MCHR2: variants seen among roughly 807,000 people sequenced by gnomAD.
The protein encoded by MCHR2 is melanin concentrating hormone receptor 2.
In MCHR2, 15 loss-of-function variants were observed where a neutral mutation model predicts 24.8. The observed-to-expected ratio is 0.60, with a 90% CI of 0.40 to 0.93. The LOEUF (loss-of-function observed/expected upper bound fraction) is 0.93. MCHR2 is among the 40% of genes least tolerant of loss of function. MCHR2 has a pLI of 0.00. For missense variants in MCHR2, 386 were observed against 408.7 expected (o/e 0.94, Z 0.48); for synonymous variants, 151 against 147.6 (o/e 1.02, Z -0.17).
chr6:99,926,372 A>T (rs918721756), intron 5 of MCHR2, among the ~76,000 whole-genome samples: 4 of 152,152 alleles, frequency 2.6e-5, no homozygotes, highest in Admixed American at 6.5e-5. Flanking sequence ...GCTGGGTCAA[A>T]TAGTATTTCT....
intron 4 of MCHR2, among the ~76,000 whole-genome samples, chr6:99,941,385 G>A (rs1774767978): frequency 6.6e-6 from 1 of 151,946 alleles, no homozygotes; most frequent in Non-Finnish European, 1.5e-5. Context: ...GGCTCTGGGA[G>A]TGGGGGCATT....
chr6:99,990,547 G>A (rs1775854097), intron 1 of MCHR2, among the ~76,000 whole-genome samples: 1 of 152,162 alleles, frequency 6.6e-6, no homozygotes, highest in South Asian at 2.1e-4. Context: ...TAAGTAAAAT[G>A]TACGGTAAAG....
At chr6:99,949,672 C>T (rs1221778504) in intron 2 of MCHR2, among the ~76,000 whole-genome samples, 1 of 152,086 alleles carries the variant, frequency 6.6e-6, no homozygotes, top group Non-Finnish European at 1.5e-5. Flanking sequence ...AGCAACCATA[C>T]TGTACGCATT....
In MCHR2 at chr6:99,921,098, A is replaced by C; in HGVS notation, c.865T>G (p.Tyr289Asp). ...QPTLAFYVGYYLSICLSYASS... is the reference protein window; with the variant it reads ...QPTLAFYVGYDLSICLSYASS... The stretch of plus-strand genomic sequence containing the variant: ...GCATAGCTGAGACAGATGGAGAGGT[A>C]ATAACCCACATAGAAGGCCAGTGTG... The change falls in exon 6 of 6, where the codon TAC (tyrosine) becomes GAC (aspartate). Residue 289 changes from tyrosine (Y) to aspartate (D), a missense_variant. Transcript: ENST00000281806. 6.2e-7 allele frequency: 1 copy of C among 1,614,222 alleles called. No homozygotes were observed. The highest frequency in any genetic ancestry group is 8.5e-7 in the Non-Finnish European group (1 of 1,180,034).
At chr6:99,930,692 G>T (rs955972308) in intron 5 of MCHR2, among the ~76,000 whole-genome samples, 2 of 152,096 alleles carry the variant, frequency 1.3e-5, no homozygotes, top group African/African-American at 4.8e-5. Context: ...AGCTCCATCA[G>T]CTCCTTTAAG....
At chr6:99,921,748 C>G (rs1774237792) in intron 5 of MCHR2, among the ~76,000 whole-genome samples, 1 of 152,108 alleles carries the variant, frequency 6.6e-6, no homozygotes, top group Admixed American at 6.6e-5. Flanking sequence ...TACCCATTAA[C>G]CATCCTCACC....
At chr6:99,925,715 A>G (rs1257878698) in intron 5 of MCHR2, among the ~76,000 whole-genome samples, 2 of 151,714 alleles carry the variant, frequency 1.3e-5, no homozygotes, top group African/African-American at 2.4e-5. Context: ...TGTACCCCCA[A>G]TTTTTAACTT....
chr6:99,971,429 G>A (rs1775416946), intron 1 of MCHR2, among the ~76,000 whole-genome samples: 1 of 152,228 alleles, frequency 6.6e-6, no homozygotes, highest in African/African-American at 2.4e-5. Flanking sequence ...AGATTTTGCT[G>A]AAATTGCTTA....
In MCHR2 at chr6:99,987,927, G is replaced by T. The variant is rs182175716; in HGVS notation, c.-28+6009C>A. 3.3e-3 allele frequency among the ~76,000 whole-genome samples: 509 copies of T among 152,200 alleles called. 3 individuals carry two copies. The highest frequency in any genetic ancestry group is 0.012 in the African/African-American group (479 of 41,534). On this transcript the variant is annotated intron_variant, in intron 1 of 5. Transcript: ENST00000281806. The stretch of plus-strand genomic sequence containing the variant: ...CAAGAGACTAACAAGTCTATAGAGG[G>T]TTAATCATTTTTTCAAAAAGGCTTT...
chr6:99,930,095 C>G (rs926937037), intron 5 of MCHR2, among the ~76,000 whole-genome samples: 2 of 151,476 alleles, frequency 1.3e-5, no homozygotes. Context: ...CCTTCACTTA[C>G]GAAGCTTAGT....
intron 1 of MCHR2, among the ~76,000 whole-genome samples, chr6:99,967,486 A>G (rs542054784): frequency 1.3e-4 from 20 of 152,306 alleles, no homozygotes; most frequent in Admixed American, 1.2e-3. Flanking sequence ...CATAGTTTTG[A>G]TTATTTTTTA....
chr6:99,927,071 G>A (rs62432635), intron 5 of MCHR2, among the ~76,000 whole-genome samples: 60,504 of 151,478 alleles, frequency 0.4, 12,790 homozygotes, highest in East Asian at 0.76. Context: ...CAGTTTTCCC[G>A]GCACCATTTA....
At chr6:99,943,659 A>G (rs1774822182) in intron 3 of MCHR2, among the ~76,000 whole-genome samples, 1 of 152,172 alleles carries the variant, frequency 6.6e-6, no homozygotes. Context: ...TACAAAGGAC[A>G]TGAAAGTTAT....
chr6:99,985,492 G>C (rs1775752788), intron 1 of MCHR2, among the ~76,000 whole-genome samples: 1 of 152,068 alleles, frequency 6.6e-6, no homozygotes, highest in Non-Finnish European at 1.5e-5. Context: ...CAGATCAATG[G>C]AACAGTACAG....
At chr6:99,981,273 G>A (rs1775665114) in intron 1 of MCHR2, among the ~76,000 whole-genome samples, 2 of 152,214 alleles carry the variant, frequency 1.3e-5, no homozygotes, top group African/African-American at 4.8e-5. Context: ...AAACAAAGAT[G>A]TCTTATTAGA....
chr6:99,964,605 G>C (rs1280225071), intron 1 of MCHR2, among the ~76,000 whole-genome samples: 2 of 152,038 alleles, frequency 1.3e-5, no homozygotes, highest in African/African-American at 4.8e-5. Context: ...AGTGTCATGA[G>C]AACAGCATGG....
chr6:99,973,830 G>A (rs549587697), intron 1 of MCHR2, among the ~76,000 whole-genome samples: 3 of 152,058 alleles, frequency 2.0e-5, no homozygotes, highest in Non-Finnish European at 1.5e-5. Flanking sequence ...AGCTTAGTTC[G>A]GCTGGATATG....
rs557354570 is a variant in MCHR2, at chr6:99,993,956, C to T, written c.-48G>A. ...GTCACCTGGGTGCTCGCGTCCTCCC[C>T]GCGCGGCGGACAGCCCGGGCGCCCT... On this transcript the variant is annotated 5_prime_UTR_variant, in exon 1 of 6. Transcript: ENST00000281806. 1.3e-5 allele frequency: 2 copies of T among 152,272 alleles called. No individual in the cohort carries two copies. Among genetic ancestry groups the T allele is most frequent in the South Asian group, 2.1e-4 (1 of 4,826 alleles). 9.4% of individuals were successfully genotyped at this position (152,272 alleles called of 1,614,324 possible).
chr6:99,975,597 G>A, intron 1 of MCHR2, among the ~76,000 whole-genome samples: 1 of 152,170 alleles, frequency 6.6e-6, no homozygotes. Flanking sequence ...CCACTGTCTG[G>A]CACTCCCTAG....
Sources: gnomAD v4.1 joint callset for allele counts (sites outside exome capture counted in the v4.1 genomes callset) on GRCh38, gnomAD v4.1.1 for gene constraint, MANE v1.5 for transcripts, NCBI Gene and HGNC (gene_info 2026-07-23, HGNC 2026-07-21) for gene names.